SFXN5: variants seen among roughly 807,000 people sequenced by gnomAD.
SFXN5 encodes sideroflexin 5.
SFXN5 carries 43 observed loss-of-function variants against 50.2 expected under a neutral mutation model. That is an observed-to-expected ratio of 0.86 (90% CI 0.67 to 1.11). The LOEUF (loss-of-function observed/expected upper bound fraction) is 1.11, where lower values mean the gene tolerates loss of function less well. Among genes scored for constraint, SFXN5 ranks in the 50% least tolerant of loss-of-function variants. The probability of loss-of-function intolerance (pLI) is 0.00; values close to 1 mark genes in which losing one functional copy is unlikely to be tolerated. For synonymous variants in SFXN5, 203 were observed against 185.8 expected (o/e 1.09, Z -0.75); for missense variants, 463 against 454.1 (o/e 1.02, Z -0.18).
At chr2:72,981,996 T>TGTGCGC (rs1491565927) in intron 10 of SFXN5, among the ~76,000 whole-genome samples, 4 of 142,894 alleles carry the variant, frequency 2.8e-5, no homozygotes, top group African/African-American at 1.0e-4. Context: ...TGTGTGTGTG[T>TGTGCGC]GCGTGCCATT....
At chr2:73,014,740 A>C (rs1210646036) in intron 6 of SFXN5, among the ~76,000 whole-genome samples, 1 of 149,760 alleles carries the variant, frequency 6.7e-6, no homozygotes, top group African/African-American at 2.6e-5. Context: ...ATTTATTTTT[A>C]TATCCCTTAT....
chr2:72,953,888 C>G lies in SFXN5; in HGVS notation c.945+7243G>C, dbSNP rs1184321008. Among the ~76,000 whole-genome samples the G allele has an allele frequency of 6.6e-6, 1 of 152,208 alleles. No individual in the cohort carries two copies. Among genetic ancestry groups the G allele is most frequent in the African/African-American group, 2.4e-5 (1 of 41,436 alleles). On this transcript the variant is annotated intron_variant, in intron 13 of 13. Coordinates refer to ENST00000272433, the MANE Select transcript of SFXN5 (RefSeq NM_144579.3). This position sits in a 1 kb window ranked among gnomAD's most constrained non-coding sequence, Gnocchi z 4.1. ...TTTAGCCAGGCTGGTTCATCAAAAC[C>G]ACCATTTTCATCAGGGCTGGTAAGA...
intron 9 of SFXN5, 95 bp downstream of exon 9, chr2:72,998,854 C>A: frequency 7.2e-7 from 1 of 1,387,208 alleles, no homozygotes; most frequent in Non-Finnish European, 1.0e-6. Flanking sequence ...AAATCCTTGC[C>A]TGGCCTGGCC....
At chr2:73,025,813 G>A (rs1300839982) in intron 3 of SFXN5, among the ~76,000 whole-genome samples, 1 of 152,196 alleles carries the variant, frequency 6.6e-6, no homozygotes, top group East Asian at 1.9e-4. Context: ...ATGTCCCTGT[G>A]CACAAAGTAG....
intron 10 of SFXN5, among the ~76,000 whole-genome samples, chr2:72,983,737 G>T (rs1203520009): frequency 6.6e-6 from 1 of 152,136 alleles, no homozygotes; most frequent in Non-Finnish European, 1.5e-5. Flanking sequence ...TGCTGTCAAC[G>T]AGATGTCTAT....
chr2:73,063,314 C>G (rs566859555), intron 1 of SFXN5, among the ~76,000 whole-genome samples: 1 of 152,084 alleles, frequency 6.6e-6, no homozygotes, highest in African/African-American at 2.4e-5. Flanking sequence ...ATAGTCTGAC[C>G]AAGTCAGATT....
chr2:73,001,525 C>A lies in SFXN5; in HGVS notation c.411G>T (p.Gln137His). The change falls in exon 7 of 14, where the codon CAG (glutamine) becomes CAT (histidine). Residue 137 changes from glutamine to histidine, a missense_variant and splice_region_variant. Transcript: ENST00000272433. Reference sequence around the variant, plus strand: ...GCCCTGTTTGCTGCGAGACTGTTACCTGCCAGAAGACAGTGGATGCCAGTG... The same window carrying A: ...GCCCTGTTTGCTGCGAGACTGTTACATGCCAGAAGACAGTGGATGCCAGTG... ...NQTLASTVFW[Q>H]WLNQSHNACV... The A allele has an allele frequency of 6.2e-7, 1 of 1,614,148 alleles. No homozygotes were observed. Among genetic ancestry groups the A allele is most frequent in the Non-Finnish European group, 8.5e-7 (1 of 1,180,008 alleles).
intron 10 of SFXN5, 68 bp from the exon 11 acceptor site, chr2:72,971,753 C>A (rs1670031403): frequency 8.4e-7 from 1 of 1,184,478 alleles, no homozygotes; most frequent in Non-Finnish European, 1.3e-6. Context: ...AGGGAGGTCA[C>A]TACACTCCTT....
At chr2:73,015,659 C>T (rs1676053548) in intron 6 of SFXN5, among the ~76,000 whole-genome samples, 1 of 152,140 alleles carries the variant, frequency 6.6e-6, no homozygotes, top group South Asian at 2.1e-4. Context: ...TTAAGTTCAG[C>T]TCTTCCTTTG....
rs1050617638 is a variant in SFXN5, at chr2:72,997,419, T to C, written c.534+1530A>G. 4.6e-5 allele frequency: 7 copies of C among 152,330 alleles called. No homozygotes were observed. In the East Asian group the frequency reaches 1.4e-3, roughly 29 times the overall value. The allele number at this position is 152,330 out of a possible 1,614,324, so 9.4% of individuals were successfully genotyped here. A position where few individuals can be genotyped will look rare whatever the true frequency, so the allele number is the denominator to read the frequency against. On this transcript the variant is annotated intron_variant, in intron 9 of 13. Transcript: ENST00000272433. ...TATTGTATGTGAATTCTTCATTATATGTGAATGTTTTCTTTTTCATTAGAG... is the reference window on the plus strand; with the variant it reads ...TATTGTATGTGAATTCTTCATTATACGTGAATGTTTTCTTTTTCATTAGAG...
chr2:72,978,079 C>T, intron 10 of SFXN5, among the ~76,000 whole-genome samples: 1 of 148,322 alleles, frequency 6.7e-6, no homozygotes, highest in East Asian at 2.0e-4. Flanking sequence ...TAATTTTTTA[C>T]TTATCACATT....
At chr2:72,967,383 C>T (rs187163007) in intron 12 of SFXN5, 14 of 151,830 alleles carry the variant, frequency 9.2e-5, no homozygotes, top group South Asian at 2.1e-4. Flanking sequence ...GGATAAGGGC[C>T]GTAAGAAAAA....
chr2:72,997,192 G>A (rs1259809567), intron 9 of SFXN5: 1 of 152,218 alleles, frequency 6.6e-6, no homozygotes, highest in African/African-American at 2.4e-5. Flanking sequence ...CCACTTCACA[G>A]CTATTTGGAG....
chr2:73,051,790 A>T (rs927071860), intron 2 of SFXN5, among the ~76,000 whole-genome samples: 4 of 152,228 alleles, frequency 2.6e-5, no homozygotes, highest in African/African-American at 9.6e-5. Flanking sequence ...ACCAGCATTC[A>T]GTGTCTGGTG....
At position 72,992,972 on chromosome 2, in the gene SFXN5, G is replaced by A. The variant is rs765286928; in HGVS notation, c.535-4624C>T. 7.2e-5 allele frequency among the ~76,000 whole-genome samples: 11 copies of A among 152,174 alleles called. No homozygotes were observed. Among genetic ancestry groups the A allele is most frequent in the Non-Finnish European group, 1.3e-4 (9 of 68,038 alleles). On this transcript the variant is annotated intron_variant, in intron 9 of 13. Coordinates refer to ENST00000272433, the MANE Select transcript of SFXN5 (RefSeq NM_144579.3). The surrounding 1 kb of genome is among the most constrained non-coding windows in gnomAD (Gnocchi z 4.5). ...CTCCTGAGGAAGGGGATGCCTGCCTGAGCCCTGAATAGGAGGCTAGGAAGG... is the reference window on the plus strand; with the variant it reads ...CTCCTGAGGAAGGGGATGCCTGCCTAAGCCCTGAATAGGAGGCTAGGAAGG...
chr2:72,959,231 T>C (rs7568258), intron 13 of SFXN5, among the ~76,000 whole-genome samples: 14,199 of 152,144 alleles, frequency 0.093, 2,159 homozygotes, highest in African/African-American at 0.32. Flanking sequence ...CTTGGGTCTG[T>C]GCCTTCCCCT....
chr2:73,071,562 C>T, intron 1 of SFXN5, 42 bp downstream of exon 1: 1 of 1,588,708 alleles, frequency 6.3e-7, no homozygotes, highest in Non-Finnish European at 8.6e-7. Flanking sequence ...CTCGTCCTCT[C>T]TTTGCCACCC....
At chr2:73,046,428 A>G (rs1358313060) in intron 2 of SFXN5, among the ~76,000 whole-genome samples, 4 of 151,988 alleles carry the variant, frequency 2.6e-5, no homozygotes, top group East Asian at 1.9e-4. Context: ...AAAAAAAGTA[A>G]TATGTCTAAG....
chr2:72,944,839 C>G lies in SFXN5; in HGVS notation c.*183G>C. ...TTTTGTACGAAATGTGTTAGAACTCCTCTTGCCTATGTTAAAATGTGAATG... is the reference window on the plus strand; with the variant it reads ...TTTTGTACGAAATGTGTTAGAACTCGTCTTGCCTATGTTAAAATGTGAATG... On this transcript the variant is annotated 3_prime_UTR_variant, in exon 14 of 14. Transcript: ENST00000272433. The G allele has an allele frequency of 1.7e-6, 1 of 583,124 alleles. No individual in the cohort carries two copies. Among genetic ancestry groups the G allele is most frequent in the Non-Finnish European group, 3.1e-6 (1 of 326,400 alleles). The allele number at this position is 583,124 out of a possible 1,614,324, so 36.1% of individuals were successfully genotyped here. A position where few individuals can be genotyped will look rare whatever the true frequency, so the allele number is the denominator to read the frequency against.
Sources: gnomAD v4.1 joint callset for allele counts (sites outside exome capture counted in the v4.1 genomes callset) on GRCh38, gnomAD v4.1.1 for gene constraint, Gnocchi (gnomAD v3.1) non-coding constraint, MANE v1.5 for transcripts, NCBI Gene and HGNC (gene_info 2026-07-23, HGNC 2026-07-21) for gene names.